C8orf34: variants seen among roughly 807,000 people sequenced by gnomAD.
C8orf34 encodes the protein uncharacterized protein C8orf34.
Under a neutral mutation model 68.3 loss-of-function variants are expected in C8orf34, and 65 were observed. The ratio of observed to expected loss-of-function variants is 0.95; its 90% CI spans 0.78 to 1.17. The LOEUF (loss-of-function observed/expected upper bound fraction) is 1.17, where lower values mean the gene tolerates loss of function less well. C8orf34 is among the 50% of genes most tolerant of loss of function. The pLI is 0.00. For synonymous variants in C8orf34, 244 were observed against 241.2 expected (o/e 1.01, Z -0.11); for missense variants, 664 against 655.4 (o/e 1.01, Z -0.14).
intron 1 of C8orf34, among the ~76,000 whole-genome samples, chr8:68,418,853 C>T (rs997003825): frequency 2.0e-5 from 3 of 151,758 alleles, no homozygotes; most frequent in Non-Finnish European, 2.9e-5. Context: ...AAGACTTAAA[C>T]GTTAGACCTA....
Position 68,469,378 on chromosome 8 carries a change from C to A in C8orf34, c.736+558C>A, listed in dbSNP as rs115530939. 6.9e-3 allele frequency among the ~76,000 whole-genome samples: 1,042 copies of A among 151,978 alleles called. 16 individuals are homozygous for A. The highest frequency in any genetic ancestry group is 0.023 in the African/African-American group (966 of 41,470). On this transcript the variant is annotated intron_variant, in intron 4 of 13. Transcript: ENST00000518698. ...CATAATAAATCAGATAAATCATTTA[C>A]CCTCCATGTGCCTTGGTCCGCTCAT... is the stretch of plus-strand genomic sequence containing the variant.
chr8:68,528,744 C>T (rs1815120365), intron 6 of C8orf34, among the ~76,000 whole-genome samples: 1 of 152,188 alleles, frequency 6.6e-6, no homozygotes, highest in African/African-American at 2.4e-5. Flanking sequence ...GATGACTTCA[C>T]ATTTTTCCTG....
chr8:68,507,763 C>G (rs1814087780), intron 5 of C8orf34, among the ~76,000 whole-genome samples: 1 of 152,192 alleles, frequency 6.6e-6, no homozygotes, highest in Non-Finnish European at 1.5e-5. Flanking sequence ...TAACTCCAGG[C>G]TGATGCTTTT....
intron 1 of C8orf34, among the ~76,000 whole-genome samples, chr8:68,390,373 G>A (rs889944915): frequency 6.6e-6 from 1 of 152,086 alleles, no homozygotes; most frequent in African/African-American, 2.4e-5. Flanking sequence ...TGAACAAAAG[G>A]GTAGTGGCCA....
At chr8:68,688,238 A>C (rs1228371504) in intron 8 of C8orf34, among the ~76,000 whole-genome samples, 1 of 152,148 alleles carries the variant, frequency 6.6e-6, no homozygotes, top group Non-Finnish European at 1.5e-5. Context: ...AGCAGATCCC[A>C]GCAATCCCAC....
At chr8:68,532,066 A>G (rs1282392248) in intron 6 of C8orf34, among the ~76,000 whole-genome samples, 3 of 152,138 alleles carry the variant, frequency 2.0e-5, no homozygotes, top group Admixed American at 2.0e-4. Flanking sequence ...CTTCCCTGCC[A>G]GACTTGAGAC....
chr8:68,516,213 T>C (rs1397345629), intron 5 of C8orf34, among the ~76,000 whole-genome samples: 2 of 152,240 alleles, frequency 1.3e-5, no homozygotes, highest in Non-Finnish European at 2.9e-5. Flanking sequence ...TACATGATTT[T>C]GGTTAGACGT....
At chr8:68,745,746 T>C (rs1357625889) in intron 10 of C8orf34, among the ~76,000 whole-genome samples, 4 of 151,932 alleles carry the variant, frequency 2.6e-5, no homozygotes, top group African/African-American at 9.7e-5. Flanking sequence ...AAGTTCTGAG[T>C]GACCTACAAA....
At chr8:68,640,889 T>G (rs775094821) in intron 8 of C8orf34, among the ~76,000 whole-genome samples, 4 of 152,200 alleles carry the variant, frequency 2.6e-5, no homozygotes, top group African/African-American at 7.2e-5. Context: ...TAAGATCTGA[T>G]ATTATTGACC....
At chr8:68,805,077 T>C (rs932179344) in intron 12 of C8orf34, among the ~76,000 whole-genome samples, 1 of 152,232 alleles carries the variant, frequency 6.6e-6, no homozygotes, top group Non-Finnish European at 1.5e-5. Context: ...GCCTGCCTCA[T>C]TGAATTTCAG....
At chr8:68,385,318 T>C (rs533422606) in intron 1 of C8orf34, among the ~76,000 whole-genome samples, 1 of 152,270 alleles carries the variant, frequency 6.6e-6, no homozygotes, top group East Asian at 1.9e-4. Flanking sequence ...ACCCACATAC[T>C]TTGATACCAG....
chr8:68,479,428 A>AGG (rs1812764585), intron 4 of C8orf34, among the ~76,000 whole-genome samples: 1 of 150,994 alleles, frequency 6.6e-6, no homozygotes, highest in Admixed American at 6.6e-5. Flanking sequence ...AGAGAGAGAG[A>AGG]GAGAGAGAAA....
intron 1 of C8orf34, among the ~76,000 whole-genome samples, chr8:68,356,584 T>C (rs188042381): frequency 4.2e-4 from 64 of 152,294 alleles, no homozygotes; most frequent in African/African-American, 1.5e-3. Context: ...ATTTGGAGAT[T>C]AGTTTTCAGA....
intron 8 of C8orf34, among the ~76,000 whole-genome samples, chr8:68,669,065 G>GT (rs1375357678): frequency 1.3e-5 from 2 of 152,054 alleles, no homozygotes. Context: ...ATAAATGAGT[G>GT]TTTTTTAAGC....
intron 12 of C8orf34, among the ~76,000 whole-genome samples, chr8:68,804,714 T>C (rs1480188240): frequency 6.6e-6 from 1 of 152,068 alleles, no homozygotes; most frequent in Admixed American, 6.6e-5. Flanking sequence ...GGGAGGTCGA[T>C]GCTGCAGTGA....
At chr8:68,810,547 G>A (rs535991447) in intron 12 of C8orf34, among the ~76,000 whole-genome samples, 2 of 152,278 alleles carry the variant, frequency 1.3e-5, no homozygotes, top group East Asian at 3.9e-4. Context: ...TGAGTGAGGG[G>A]CATGTCTCAA....
chr8:68,337,876 T>A (rs2129617891), intron 1 of C8orf34, among the ~76,000 whole-genome samples: 1 of 152,290 alleles, frequency 6.6e-6, no homozygotes, highest in East Asian at 1.9e-4. Context: ...CATTTTGAAA[T>A]ATCTGAAAAA....
intron 5 of C8orf34, among the ~76,000 whole-genome samples, chr8:68,498,893 CTGTACT>C (rs1289942687): frequency 2.0e-5 from 3 of 152,130 alleles, no homozygotes; most frequent in Non-Finnish European, 2.9e-5. Flanking sequence ...GAATCTGGGA[CTGTACT>C]AAGAAAGCAC....
intron 5 of C8orf34, among the ~76,000 whole-genome samples, chr8:68,498,955 A>G (rs6994761): frequency 0.47 from 71,233 of 151,924 alleles, 17,062 homozygotes; most frequent in African/African-American, 0.54. Context: ...TTCAGGGGGT[A>G]CATGTGCAGG....
Sources: gnomAD v4.1 joint callset for allele counts (sites outside exome capture counted in the v4.1 genomes callset) on GRCh38, gnomAD v4.1.1 for gene constraint, MANE v1.5 for transcripts, NCBI Gene and HGNC (gene_info 2026-07-23, HGNC 2026-07-21) for gene names.